ECE2: variants seen among roughly 807,000 people sequenced by gnomAD.
The protein encoded by ECE2 is endothelin converting enzyme 2, also known as endothelin-converting enzyme 2.
Under a neutral mutation model 100.6 loss-of-function variants are expected in ECE2, and 81 were observed. The observed-to-expected ratio is 0.81, with a 90% CI of 0.67 to 0.97. The LOEUF is 0.97. Among genes scored for constraint, ECE2 ranks in the 50% least tolerant of loss-of-function variants. The pLI, the probability that ECE2 is intolerant of heterozygous loss-of-function variation, is 0.00. For synonymous variants in ECE2, 391 were observed against 391.5 expected (o/e 1.00, Z 0.02); for missense variants, 911 against 988.1 (o/e 0.92, Z 1.05).
In ECE2 at chr3:184,277,468, T is replaced by C; in HGVS notation, c.478+2T>C. 6.2e-7 allele frequency: 1 copy of C among 1,613,732 alleles called. No homozygotes were observed. Among genetic ancestry groups the C allele is most frequent in the South Asian group, 1.1e-5 (1 of 91,080 alleles). The stretch of plus-strand genomic sequence containing the variant: ...AGGCCATACTGAAGCACCTGCTTGG[T>C]GAGTGGGGCTGTTAGGGAGGCCTTG... On this transcript the variant is annotated splice_donor_variant, in intron 4 of 18. Transcript: ENST00000404464. LOFTEE classifies it high-confidence loss of function.
At chr3:184,279,309 CAAA>C (rs60647349) in intron 7 of ECE2, among the ~76,000 whole-genome samples, 5 of 79,148 alleles carry the variant, frequency 6.3e-5, no homozygotes, top group Admixed American at 1.6e-4. Flanking sequence ...GACTCCGACT[CAAA>C]AAAAAAAAAA....
At chr3:184,282,070 G>A (rs1577138220) in intron 7 of ECE2, among the ~76,000 whole-genome samples, 1 of 152,254 alleles carries the variant, frequency 6.6e-6, no homozygotes, top group African/African-American at 2.4e-5. Context: ...CTGCACTTCA[G>A]CCTGGGCGAC....
Position 184,288,044 on chromosome 3 carries a change from C to T in ECE2, c.1374+97C>T, listed in dbSNP as rs1332371291. 1.8e-5 allele frequency: 20 copies of T among 1,130,434 alleles called. No individual in the cohort carries two copies. The East Asian group carries it at 4.7e-4, about 27-fold the overall frequency. 70.0% of individuals were successfully genotyped at this position (1,130,434 alleles called of 1,614,324 possible). On this transcript the variant is annotated intron_variant, in intron 11 of 18. Coordinates refer to ENST00000404464, the MANE Select transcript of ECE2 (RefSeq NM_001100121.2). ...AAACAACGGGAGCCAGGCGCGGTGG[C>T]TCACGCCGGTAATCCCAGCACTTTG...
chr3:184,280,537 G>C (rs141616248), intron 7 of ECE2, among the ~76,000 whole-genome samples: 125 of 152,288 alleles, frequency 8.2e-4, no homozygotes, highest in African/African-American at 2.8e-3. Flanking sequence ...GGACCCAGAG[G>C]CCTGAGGGGC....
intron 16 of ECE2, 42 bp from the exon 17 acceptor site, chr3:184,290,997 CG>C (rs752276581): frequency 1.9e-6 from 3 of 1,555,760 alleles, no homozygotes; most frequent in African/African-American, 2.7e-5. Flanking sequence ...CCCCAAGAGA[CG>C]AGCTCTGGTT....
In ECE2 at chr3:184,292,907, A is replaced by C. The variant is rs1275828044; in HGVS notation, c.*669A>C. ...GCAAATGATTGATTCTCCCTGGACAAAGCAGGAAAGCAGATAGAGCAGGGA... is the reference window on the plus strand; with the variant it reads ...GCAAATGATTGATTCTCCCTGGACACAGCAGGAAAGCAGATAGAGCAGGGA... On this transcript the variant is annotated 3_prime_UTR_variant, in exon 19 of 19. Coordinates refer to ENST00000404464, the MANE Select transcript of ECE2 (RefSeq NM_001100121.2). 6.6e-6 allele frequency: 1 copy of C among 152,466 alleles called. No homozygotes were observed. Among genetic ancestry groups the C allele is most frequent in the East Asian group, 1.9e-4 (1 of 5,198 alleles). 9.4% of individuals were successfully genotyped at this position (152,466 alleles called of 1,614,324 possible).
chr3:184,290,195 C>A, intron 13 of ECE2, 60 bp from the exon 14 acceptor site: 2 of 1,376,072 alleles, frequency 1.5e-6, no homozygotes, highest in South Asian at 1.2e-5. Flanking sequence ...GCCAAACTGG[C>A]GCTATTATCT....
chr3:184,289,613 A>T lies in ECE2; in HGVS notation c.1474-28A>T. 6.2e-7 allele frequency: 1 copy of T among 1,613,656 alleles called. No individual in the cohort carries two copies. ...AGTTTTGCTAGGAACCTGGGGAAGG[A>T]AACAAACCCTTAACCTGGTCTCTTC... On this transcript the variant is annotated intron_variant, in intron 12 of 18. Transcript: ENST00000404464. This position sits in a 1 kb window ranked among gnomAD's most constrained non-coding sequence, Gnocchi z 4.1.
chr3:184,283,973 G>A lies in ECE2; in HGVS notation c.1005G>A (p.Gln335=). ...IYHKMSISEL[Q]ALAPSMDWLE... ...ACAAGATGAGCATTTCGGAGCTGCA[G>A]GTGGGGCAGGCAGGGGGCTGGAGAC... is the stretch of plus-strand genomic sequence containing the variant. Residue 335 remains glutamine, a splice_region_variant and synonymous_variant, in exon 8 of 19, where the codon CAG becomes CAA. Coordinates refer to ENST00000404464, the MANE Select transcript of ECE2 (RefSeq NM_001100121.2). 1.9e-6 allele frequency: 3 copies of A among 1,613,624 alleles called. No homozygotes were observed. Among genetic ancestry groups the A allele is most frequent in the Non-Finnish European group, 2.5e-6 (3 of 1,179,926 alleles).
intron 9 of ECE2, 111 bp downstream of exon 9, chr3:184,285,216 T>C: frequency 7.1e-7 from 1 of 1,409,888 alleles, no homozygotes; most frequent in Admixed American, 2.2e-5. Flanking sequence ...CTATGGGCCT[T>C]CCAAACATTG....
Position 184,291,491 on chromosome 3 carries a change from T to C in ECE2, c.2121+52T>C, listed in dbSNP as rs746262215. ...TCTGCCCCTTTGTCCTGCTCCCTCC[T>C]GAGTATGTCATTAGGAGAACTCTGG... On this transcript the variant is annotated intron_variant, in intron 18 of 18. Coordinates refer to ENST00000404464, the MANE Select transcript of ECE2 (RefSeq NM_001100121.2). This position sits in a 1 kb window ranked among gnomAD's most constrained non-coding sequence, Gnocchi z 4.1. 2 of 1,467,952 alleles carry C rather than the reference T, an allele frequency of 1.4e-6. No homozygotes were observed. The highest frequency in any genetic ancestry group is 2.4e-5 in the East Asian group (1 of 42,474). The allele number at this position is 1,467,952 out of a possible 1,614,324, so 90.9% of individuals were successfully genotyped here. A position where few individuals can be genotyped will look rare whatever the true frequency, so the allele number is the denominator to read the frequency against.
chr3:184,279,396 C>G lies in ECE2; in HGVS notation c.816+839C>G, dbSNP rs960900930. ...TGAGGCTGAGCACAGTGGCTCACAC[C>G]TGTAATCCCCGCACTTTGGGAGGCT... On this transcript the variant is annotated intron_variant, in intron 7 of 18. Coordinates refer to ENST00000404464, the MANE Select transcript of ECE2 (RefSeq NM_001100121.2). Among the ~76,000 whole-genome samples, 3 of 151,800 alleles carry G rather than the reference C, an allele frequency of 2.0e-5. No homozygotes were observed. The South Asian group carries it at 6.3e-4, about 32-fold the overall frequency.
intron 11 of ECE2, among the ~76,000 whole-genome samples, chr3:184,288,413 C>T (rs886588328): frequency 2.0e-5 from 3 of 151,466 alleles, no homozygotes; most frequent in Non-Finnish European, 4.4e-5. Flanking sequence ...TATAAGAGTC[C>T]TTTAAAGTTG....
Position 184,276,128 on chromosome 3 carries a change from G to C in ECE2, c.-26G>C, listed in dbSNP as rs1247951827. The C allele has an allele frequency of 7.5e-7, 1 of 1,336,032 alleles. No individual in the cohort carries two copies. The highest frequency in any genetic ancestry group is 2.0e-5 in the South Asian group (1 of 50,372). 82.8% of individuals were successfully genotyped at this position (1,336,032 alleles called of 1,614,324 possible). On this transcript the variant is annotated 5_prime_UTR_variant, in exon 1 of 19. The change abolishes the stop of an existing upstream ORF in the 5' untranslated region. Transcript: ENST00000404464. Reference sequence around the variant, plus strand: ...GAGCGGGCCAGCTGCCGGGAGCCCTGAATCACCGCCTGGCCCGACTCCACC... The same window carrying C: ...GAGCGGGCCAGCTGCCGGGAGCCCTCAATCACCGCCTGGCCCGACTCCACC...
intron 6 of ECE2, 71 bp downstream of exon 6, chr3:184,278,384 A>G (rs1720665866): frequency 1.7e-5 from 27 of 1,591,992 alleles, no homozygotes; most frequent in Non-Finnish European, 2.3e-5. Context: ...CTCTCCTGTG[A>G]CAGGCAGGCT....
intron 1 of ECE2, 75 bp downstream of exon 1, chr3:184,276,267 G>A (rs900467563): frequency 1.4e-6 from 2 of 1,431,712 alleles, no homozygotes; most frequent in African/African-American, 1.4e-5. Context: ...GCCGCGGAGG[G>A]GCAGGCGGTG....
At chr3:184,284,902 TG>T in intron 8 of ECE2, 60 bp from the exon 9 acceptor site, 1 of 1,583,132 alleles carries the variant, frequency 6.3e-7, no homozygotes, top group Non-Finnish European at 8.6e-7. Context: ...CAGCATACAG[TG>T]GGGGAGGGTT....
Position 184,289,354 on chromosome 3 carries a change from A to C in ECE2, c.1375-83A>C, listed in dbSNP as rs949802622. On this transcript the variant is annotated intron_variant, in intron 11 of 18. Transcript: ENST00000404464. The surrounding 1 kb of genome is among the most constrained non-coding windows in gnomAD (Gnocchi z 4.1). ...ACGTTCCCATTTCCCCTGGGTGGAC[A>C]GGGATGGGGCACCAAGGGTGGATGG... 4.7e-6 allele frequency: 6 copies of C among 1,284,084 alleles called. No homozygotes were observed. The highest frequency in any genetic ancestry group is 6.6e-6 in the Non-Finnish European group (6 of 906,134). 79.5% of individuals were successfully genotyped at this position (1,284,084 alleles called of 1,614,324 possible).
Position 184,289,557 on chromosome 3 carries a change from G to C in ECE2, c.1473+22G>C. ...GAAAGTGAGCGGTGGCTAGGGTTGG[G>C]GCGCCATCTTGAGGTGGGGTTCAAG... On this transcript the variant is annotated intron_variant, in intron 12 of 18. Transcript: ENST00000404464. This position sits in a 1 kb window ranked among gnomAD's most constrained non-coding sequence, Gnocchi z 4.1. The C allele has an allele frequency of 6.2e-7, 1 of 1,613,818 alleles. No individual in the cohort carries two copies.
Sources: allele counts gnomAD v4.1 joint callset (sites outside exome capture counted in the v4.1 genomes callset), GRCh38; gene constraint gnomAD v4.1.1; non-coding constraint Gnocchi (gnomAD v3.1); transcripts MANE v1.5; gene names NCBI Gene and HGNC (gene_info 2026-07-23, HGNC 2026-07-21).